Variants in KIAA1217 observed in about 807,000 individuals in gnomAD.
KIAA1217 encodes the protein KIAA1217.
KIAA1217 carries 88 observed loss-of-function variants against 163.9 expected under a neutral mutation model. The ratio of observed to expected loss-of-function variants is 0.54; its 90% CI spans 0.45 to 0.64. The LOEUF is 0.64. Ranked by LOEUF, KIAA1217 falls within the 30% of genes least tolerant of loss-of-function variation. KIAA1217 has a pLI of 0.00. For synonymous variants in KIAA1217, 903 were observed against 923.1 expected, an observed-to-expected ratio of 0.98 and a Z score of 0.39; for missense variants, 2,372 against 2,475.0, an observed-to-expected ratio of 0.96 and a Z score of 0.88.
intron 1 of KIAA1217, among the ~76,000 whole-genome samples, chr10:23,764,281 G>A (rs1484432025): frequency 2.0e-5 from 3 of 152,122 alleles, no homozygotes; most frequent in Non-Finnish European, 4.4e-5. Flanking sequence ...TCGGAATGGT[G>A]ATTATTAAAA....
chr10:24,258,654 G>C (rs1473898233), intron 2 of KIAA1217, among the ~76,000 whole-genome samples: 8 of 150,798 alleles, frequency 5.3e-5, no homozygotes, highest in African/African-American at 2.0e-4. Flanking sequence ...GTGCAGTGGC[G>C]CGATCTCGGC....
intron 2 of KIAA1217, among the ~76,000 whole-genome samples, chr10:24,231,356 T>C (rs984944711): frequency 6.6e-6 from 1 of 152,108 alleles, no homozygotes; most frequent in African/African-American, 2.4e-5. Flanking sequence ...GTTGCATACA[T>C]AGTGGTGAGT....
intron 1 of KIAA1217, among the ~76,000 whole-genome samples, chr10:23,858,418 C>A (rs898491930): frequency 4.6e-5 from 7 of 151,974 alleles, no homozygotes; most frequent in African/African-American, 1.7e-4. Flanking sequence ...TTCACCACAA[C>A]AGCATATATA....
chr10:24,529,282 G>A (rs995722982), intron 14 of KIAA1217, among the ~76,000 whole-genome samples: 2 of 152,122 alleles, frequency 1.3e-5, no homozygotes, highest in African/African-American at 4.8e-5. Flanking sequence ...GTATTTGCAT[G>A]TAACCTACTC....
chr10:24,438,816 A>G (rs569329413), intron 5 of KIAA1217, among the ~76,000 whole-genome samples: 6 of 152,210 alleles, frequency 3.9e-5, no homozygotes, highest in Non-Finnish European at 5.9e-5. Flanking sequence ...TTCTTTCTCC[A>G]ATTAAAGCAA....
At chr10:23,921,941 G>A (rs1842860304) in intron 1 of KIAA1217, among the ~76,000 whole-genome samples, 1 of 152,068 alleles carries the variant, frequency 6.6e-6, no homozygotes, top group Admixed American at 6.6e-5. Flanking sequence ...CTTTTTGTGT[G>A]CTAATGGATG....
At chr10:23,936,260 T>C (rs1247961135) in intron 1 of KIAA1217, among the ~76,000 whole-genome samples, 8 of 151,880 alleles carry the variant, frequency 5.3e-5, no homozygotes, top group Admixed American at 5.2e-4. Flanking sequence ...CCCATAAAGG[T>C]CAGCCTCCAG....
chr10:24,358,060 A>T (rs1010204462), intron 2 of KIAA1217, among the ~76,000 whole-genome samples: 1 of 152,270 alleles, frequency 6.6e-6, no homozygotes, highest in Non-Finnish European at 1.5e-5. Context: ...GACTCCCAAG[A>T]ACCAATGCCT....
At chr10:24,128,947 AAG>A (rs1255855976) in intron 2 of KIAA1217, among the ~76,000 whole-genome samples, 1 of 152,228 alleles carries the variant, frequency 6.6e-6, no homozygotes, top group Non-Finnish European at 1.5e-5. Context: ...ACCTCTTTTC[AAG>A]AGAATCAGAA....
chr10:23,894,163 TAA>T (rs1841563693), intron 1 of KIAA1217, among the ~76,000 whole-genome samples: 1 of 148,866 alleles, frequency 6.7e-6, no homozygotes, highest in South Asian at 2.1e-4. Flanking sequence ...GAGAAGGAAA[TAA>T]AGGGTATTCA....
At chr10:24,147,312 C>G (rs2064366795) in intron 2 of KIAA1217, among the ~76,000 whole-genome samples, 1 of 152,080 alleles carries the variant, frequency 6.6e-6, no homozygotes, top group South Asian at 2.1e-4. Context: ...CTTTATTTCC[C>G]TAAACACATT....
chr10:23,948,029 A>G (rs916918539), intron 1 of KIAA1217, among the ~76,000 whole-genome samples: 16 of 152,184 alleles, frequency 1.1e-4, no homozygotes, highest in Non-Finnish European at 1.9e-4. Context: ...CTGAGTTCTT[A>G]CACACTTCTT....
At chr10:24,219,312 A>G (rs981376913) in intron 1 of KIAA1217, among the ~76,000 whole-genome samples, 2 of 151,906 alleles carry the variant, frequency 1.3e-5, no homozygotes, top group Admixed American at 6.5e-5. Flanking sequence ...GGGGTCTACT[A>G]TGTTACCCAG....
At chr10:23,852,217 T>A (rs1839381388) in intron 1 of KIAA1217, among the ~76,000 whole-genome samples, 1 of 152,214 alleles carries the variant, frequency 6.6e-6, no homozygotes, top group South Asian at 2.1e-4. Flanking sequence ...GGATCCAGTT[T>A]CAGCTTTCTA....
chr10:23,748,681 G>A lies in KIAA1217; in HGVS notation c.-321+53447G>A, dbSNP rs144887093. ...CTGTGTTTTCAGAGTCAGTAGTTGGGGTTGAGACCCCTCTATTTTCCCTGT... is the reference window on the plus strand; with the variant it reads ...CTGTGTTTTCAGAGTCAGTAGTTGGAGTTGAGACCCCTCTATTTTCCCTGT... On this transcript the variant is annotated intron_variant, in intron 1 of 18. Transcript: ENST00000376462. Among the ~76,000 whole-genome samples, 430 of 152,056 alleles carry A rather than the reference G, an allele frequency of 2.8e-3. 4 individuals are homozygous for A. The highest frequency in any genetic ancestry group is 0.01 in the African/African-American group (415 of 41,470).
chr10:24,394,427 G>C, intron 3 of KIAA1217, among the ~76,000 whole-genome samples: 1 of 150,638 alleles, frequency 6.6e-6, no homozygotes, highest in Admixed American at 6.6e-5. Context: ...TCTGCCCCAA[G>C]TTTTGCCCAC....
At chr10:24,501,096 A>AAC (rs57471437) in intron 8 of KIAA1217, among the ~76,000 whole-genome samples, 16,552 of 151,498 alleles carry the variant, frequency 0.11, 1,105 homozygotes, top group East Asian at 0.14. Flanking sequence ...ATAAAAAAAA[A>AAC]ATAAACAAAA....
intron 2 of KIAA1217, among the ~76,000 whole-genome samples, chr10:24,261,486 A>C (rs1375780819): frequency 3.8e-5 from 5 of 130,102 alleles, no homozygotes; most frequent in Admixed American, 8.8e-5. Context: ...GTAGAGCAAG[A>C]CTCTGTCTCA....
chr10:24,158,843 G>A (rs1236157247), intron 2 of KIAA1217: 4 of 346,336 alleles, frequency 1.2e-5, no homozygotes, highest in African/African-American at 2.2e-5. Flanking sequence ...GCAGAGTGCT[G>A]CTGGTTCCTT....
Sources: gnomAD v4.1 joint callset for allele counts (sites outside exome capture counted in the v4.1 genomes callset) on GRCh38, gnomAD v4.1.1 for gene constraint, MANE v1.5 for transcripts, NCBI Gene and HGNC (gene_info 2026-07-23, HGNC 2026-07-21) for gene names.